The following LIFR variants were observed in gnomAD, a reference collection of about 807,000 sequenced individuals.
LIFR encodes the protein LIF receptor subunit alpha, also known as leukemia inhibitory factor receptor.
In LIFR, 84 loss-of-function variants were observed where a neutral mutation model predicts 122.2. The ratio of observed to expected loss-of-function variants is 0.69; its 90% CI spans 0.58 to 0.82. LIFR has a LOEUF of 0.82. Ranked by LOEUF, LIFR falls within the 40% of genes least tolerant of loss-of-function variation. The pLI, the probability that LIFR is intolerant of heterozygous loss-of-function variation, is 0.00. For synonymous variants in LIFR, 422 were observed against 434.7 expected, an observed-to-expected ratio of 0.97 and a Z score of 0.36; for missense variants, 1,294 against 1,311.6, an observed-to-expected ratio of 0.99 and a Z score of 0.21.
chr5:38,511,380 C>A (rs138756323), intron 6 of LIFR, among the ~76,000 whole-genome samples: 23 of 152,152 alleles, frequency 1.5e-4, no homozygotes, highest in African/African-American at 5.3e-4. Context: ...TGTACGGATG[C>A]TTTTTGGTAT....
upstream of LIFR, chr5:38,557,844 G>A (rs1317249825): frequency 6.6e-6 from 1 of 152,166 alleles, no homozygotes; most frequent in Non-Finnish European, 1.5e-5. Context: ...CTCCATCCAT[G>A]TGCGTATTTT....
chr5:38,516,858 C>A (rs760155038), intron 5 of LIFR, among the ~76,000 whole-genome samples: 2 of 152,154 alleles, frequency 1.3e-5, no homozygotes, highest in Non-Finnish European at 2.9e-5. Flanking sequence ...ACATACACAC[C>A]ATGGAGTACT....
chr5:38,482,595 G>A lies in LIFR; in HGVS notation c.2664C>T (p.Val888=). The A allele has an allele frequency of 6.8e-7, 1 of 1,461,794 alleles. No individual in the cohort carries two copies. Among genetic ancestry groups the A allele is most frequent in the African/African-American group, 1.4e-5 (1 of 70,686 alleles). 90.6% of individuals were successfully genotyped at this position (1,461,794 alleles called of 1,614,324 possible). The change falls in exon 19 of 20, where the codon GTC becomes GTT. Residue 888 remains valine (V), a synonymous_variant. Transcript: ENST00000453190. ...NCKALQFQKS[V]CEGSSALKTL... ...TAAGAAAATAAAAGATTACCTCACA[G>A]ACACTCTTTTGAAACTGTAATGCTT...
upstream of LIFR, among the ~76,000 whole-genome samples, chr5:38,561,174 T>C (rs1457632175): frequency 1.3e-5 from 2 of 152,150 alleles, no homozygotes; most frequent in Non-Finnish European, 2.9e-5. Context: ...GTCTTAAGGG[T>C]ACTTACCTGA....
intron 4 of LIFR, among the ~76,000 whole-genome samples, chr5:38,524,944 G>A (rs1746598623): frequency 6.6e-6 from 1 of 152,170 alleles, no homozygotes; most frequent in Non-Finnish European, 1.5e-5. Flanking sequence ...AGTTTATAGA[G>A]GAAGACTGTG....
intron 11 of LIFR, 127 bp downstream of exon 11, chr5:38,502,510 C>T (rs984221153): frequency 5.4e-5 from 40 of 745,388 alleles, no homozygotes; most frequent in Admixed American, 1.2e-4. Flanking sequence ...CTGCCCACCT[C>T]GGCCTCCCAA....
chr5:38,603,416 T>G (rs1399140837), intron 2 of LIFR, among the ~76,000 whole-genome samples: 1 of 152,228 alleles, frequency 6.6e-6, no homozygotes, highest in Non-Finnish European at 1.5e-5. Flanking sequence ...GAATCTGTGG[T>G]CAAATAAATT....
chr5:38,544,096 C>T (rs1468998522), intron 1 of LIFR, among the ~76,000 whole-genome samples: 1 of 152,058 alleles, frequency 6.6e-6, no homozygotes, highest in Non-Finnish European at 1.5e-5. Flanking sequence ...AAATGCATGC[C>T]GAAGGAAAAA....
At chr5:38,492,656 T>A (rs780832937) in intron 14 of LIFR, among the ~76,000 whole-genome samples, 22 of 152,138 alleles carry the variant, frequency 1.4e-4, no homozygotes, top group Non-Finnish European at 2.5e-4. Context: ...GATAATCCAA[T>A]GAATGGGACC....
At chr5:38,506,381 C>T (rs1745483219) in intron 8 of LIFR, 122 bp downstream of exon 8, 4 of 1,137,694 alleles carry the variant, frequency 3.5e-6, no homozygotes, top group Middle Eastern at 4.0e-4. Flanking sequence ...TAATTTTATA[C>T]AGCATATTTG....
At chr5:38,539,171 G>A (rs977944616) in intron 1 of LIFR, among the ~76,000 whole-genome samples, 25 of 151,066 alleles carry the variant, frequency 1.7e-4, no homozygotes, top group East Asian at 1.2e-3. Flanking sequence ...CCGTGGTCTC[G>A]ATCTCCTGAC....
At chr5:38,567,949 G>C (rs1393024286) in intron 1 of LIFR, among the ~76,000 whole-genome samples, 1 of 152,148 alleles carries the variant, frequency 6.6e-6, no homozygotes, top group Non-Finnish European at 1.5e-5. Flanking sequence ...ATGAGTAACT[G>C]TCTTCTAAAC....
chr5:38,561,502 A>G (rs867550814), upstream of LIFR, among the ~76,000 whole-genome samples: 1 of 152,194 alleles, frequency 6.6e-6, no homozygotes. Context: ...ACTTATTGCT[A>G]TATCAAATTT....
At chr5:38,543,308 T>G (rs1334107706) in intron 1 of LIFR, among the ~76,000 whole-genome samples, 1 of 152,086 alleles carries the variant, frequency 6.6e-6, no homozygotes, top group Non-Finnish European at 1.5e-5. Flanking sequence ...CCAAAGAGGT[T>G]TGGTATTTTT....
chr5:38,484,023 A>G (rs1440922358), intron 18 of LIFR, among the ~76,000 whole-genome samples: 6 of 152,138 alleles, frequency 3.9e-5, no homozygotes, highest in African/African-American at 1.4e-4. Context: ...CTGTTTCACC[A>G]GGCACACAGC....
At chr5:38,583,636 G>A (rs1192585435) in intron 1 of LIFR, among the ~76,000 whole-genome samples, 1 of 152,028 alleles carries the variant, frequency 6.6e-6, no homozygotes, top group Non-Finnish European at 1.5e-5. Flanking sequence ...TTTAAAAAGG[G>A]GTAAAGAAGC....
chr5:38,493,554 C>A, intron 14 of LIFR, 52 bp downstream of exon 14: 1 of 1,535,980 alleles, frequency 6.5e-7, no homozygotes, highest in Non-Finnish European at 9.0e-7. Context: ...TTACGTGTTG[C>A]CTTTTAAAAA....
chr5:38,501,023 A>G (rs76559622), intron 11 of LIFR, among the ~76,000 whole-genome samples: 4,657 of 152,272 alleles, frequency 0.031, 271 homozygotes, highest in African/African-American at 0.11. Flanking sequence ...CCATCTTGAA[A>G]GTGGATCCTC....
intron 4 of LIFR, among the ~76,000 whole-genome samples, chr5:38,526,821 T>C (rs1314556881): frequency 6.6e-6 from 1 of 152,114 alleles, no homozygotes; most frequent in East Asian, 1.9e-4. Flanking sequence ...CCTTTCTGAT[T>C]CTAATACTGT....
Sources: allele counts gnomAD v4.1 joint callset (sites outside exome capture counted in the v4.1 genomes callset), GRCh38; gene constraint gnomAD v4.1.1; transcripts MANE v1.5; gene names NCBI Gene and HGNC (gene_info 2026-07-23, HGNC 2026-07-21).